The following DMRT1 variants were observed in gnomAD, a reference collection of about 807,000 sequenced individuals.
DMRT1 encodes the protein doublesex- and mab-3-related transcription factor 1.
In DMRT1, 7 loss-of-function variants were observed where a neutral mutation model predicts 32.3. The observed-to-expected ratio is 0.22, with a 90% CI of 0.12 to 0.41. The LOEUF (loss-of-function observed/expected upper bound fraction) is 0.41, where lower values mean the gene tolerates loss of function less well. Ranked by LOEUF, DMRT1 falls within the 10% of genes least tolerant of loss-of-function variation. DMRT1 has a pLI of 1.00. For missense variants in DMRT1, 625 were observed against 500.5 expected (o/e 1.25, Z -2.37); for synonymous variants, 278 against 206.1 (o/e 1.35, Z -2.99).
intron 4 of DMRT1, among the ~76,000 whole-genome samples, chr9:926,919 C>G (rs1818545089): frequency 6.6e-6 from 1 of 152,154 alleles, no homozygotes; most frequent in Non-Finnish European, 1.5e-5. Flanking sequence ...ATCAAGTTGG[C>G]CAGTTTCTGT....
At chr9:933,561 C>G (rs1332190333) in intron 4 of DMRT1, among the ~76,000 whole-genome samples, 1 of 152,178 alleles carries the variant, frequency 6.6e-6, no homozygotes, top group Non-Finnish European at 1.5e-5. Context: ...TTTTCAGCCT[C>G]AGGCTGTCAA....
At chr9:866,616 G>T (rs778215763) in intron 2 of DMRT1, among the ~76,000 whole-genome samples, 1 of 152,184 alleles carries the variant, frequency 6.6e-6, no homozygotes, top group East Asian at 1.9e-4. Flanking sequence ...TCTCAAGGAC[G>T]TTATTGGGCT....
chr9:936,449 A>G, intron 4 of DMRT1, among the ~76,000 whole-genome samples: 1 of 151,996 alleles, frequency 6.6e-6, no homozygotes, highest in Non-Finnish European at 1.5e-5. Flanking sequence ...TTATTAGGCT[A>G]TATTAATAAT....
intron 2 of DMRT1, among the ~76,000 whole-genome samples, chr9:867,623 C>T (rs1816047345): frequency 6.6e-6 from 1 of 152,126 alleles, no homozygotes. Context: ...CACAAGATGG[C>T]ATGTGTATTA....
In DMRT1 at chr9:847,355, G is replaced by C. The variant is rs2273931; in HGVS notation, c.538+212G>C. Among the ~76,000 whole-genome samples the C allele has an allele frequency of 1.4e-3, 220 of 152,310 alleles. 5 individuals carry two copies. The East Asian group carries it at 0.038, about 27-fold the overall frequency. ...AATGCAGGTTCAACTCTTTCCTGTT[G>C]GTTATTAGTCAAGACTGAGTCTGGA... On this transcript the variant is annotated intron_variant, in intron 2 of 4. Coordinates refer to ENST00000382276, the MANE Select transcript of DMRT1 (RefSeq NM_021951.3).
intron 2 of DMRT1, among the ~76,000 whole-genome samples, chr9:866,195 T>C (rs1319478390): frequency 1.6e-5 from 2 of 128,152 alleles, no homozygotes; most frequent in Non-Finnish European, 3.3e-5. Context: ...AAGACAGTGG[T>C]GGGTGTTTTA....
At chr9:911,732 T>C (rs1270298729) in intron 3 of DMRT1, among the ~76,000 whole-genome samples, 3 of 152,124 alleles carry the variant, frequency 2.0e-5, no homozygotes. Flanking sequence ...CCTCAGGTGA[T>C]CCACTCACCA....
intron 2 of DMRT1, among the ~76,000 whole-genome samples, chr9:873,583 T>C (rs946764943): frequency 2.0e-5 from 3 of 152,066 alleles, no homozygotes; most frequent in African/African-American, 4.8e-5. Flanking sequence ...CCTCCCAAAA[T>C]GTTGGGATTA....
intron 2 of DMRT1, among the ~76,000 whole-genome samples, chr9:857,083 G>A (rs1815429316): frequency 6.6e-6 from 1 of 152,206 alleles, no homozygotes; most frequent in South Asian, 2.1e-4. Flanking sequence ...GGGAGGCCGA[G>A]GTGGGTGGAT....
At chr9:913,499 G>A (rs888572018) in intron 3 of DMRT1, among the ~76,000 whole-genome samples, 9 of 151,744 alleles carry the variant, frequency 5.9e-5, no homozygotes, top group Admixed American at 2.0e-4. Context: ...GGAATTTTGT[G>A]TATAAAAATA....
At chr9:959,659 C>T (rs1461369259) in intron 4 of DMRT1, among the ~76,000 whole-genome samples, 1 of 152,144 alleles carries the variant, frequency 6.6e-6, no homozygotes, top group Non-Finnish European at 1.5e-5. Context: ...TCCCGAGTAG[C>T]TGGGATTACA....
chr9:947,188 CG>C (rs1408048230), intron 4 of DMRT1, among the ~76,000 whole-genome samples: 1 of 152,194 alleles, frequency 6.6e-6, no homozygotes, highest in East Asian at 1.9e-4. Flanking sequence ...CAGCCACATG[CG>C]GCCCAGAATG....
intron 4 of DMRT1, among the ~76,000 whole-genome samples, chr9:930,365 T>C (rs1435281676): frequency 2.0e-5 from 3 of 152,054 alleles, no homozygotes; most frequent in East Asian, 3.9e-4. Flanking sequence ...CTCAAGTAGA[T>C]AGGACTACAG....
chr9:957,745 C>T (rs1021564914), intron 4 of DMRT1, among the ~76,000 whole-genome samples: 19 of 152,320 alleles, frequency 1.2e-4, no homozygotes, highest in South Asian at 8.3e-4. Flanking sequence ...GGCAGTGGCT[C>T]GCGCCTGTAA....
intron 4 of DMRT1, among the ~76,000 whole-genome samples, chr9:931,598 G>A (rs1818728171): frequency 6.6e-6 from 1 of 152,194 alleles, no homozygotes; most frequent in South Asian, 2.1e-4. Flanking sequence ...TTGCTTTCCG[G>A]TAAGGCTTCT....
chr9:865,222 CTTGA>C (rs1815928797), intron 2 of DMRT1, among the ~76,000 whole-genome samples: 1 of 152,146 alleles, frequency 6.6e-6, no homozygotes, highest in Non-Finnish European at 1.5e-5. Context: ...TTGTTGTTAT[CTTGA>C]TAACTTTATA....
At chr9:863,149 CAAAAA>C (rs55759836) in intron 2 of DMRT1, among the ~76,000 whole-genome samples, 4 of 98,298 alleles carry the variant, frequency 4.1e-5, no homozygotes, top group African/African-American at 8.7e-5. Flanking sequence ...CAGGTCTCTA[CAAAAA>C]AAAAAAAAAA....
In DMRT1 at chr9:847,069, A is replaced by G. The variant is rs199577667; in HGVS notation, c.464A>G (p.Asn155Ser). The G allele has an allele frequency of 2.6e-4, 422 of 1,613,880 alleles. 2 individuals are homozygous for G. The South Asian group carries it at 4.3e-3, about 17-fold the overall frequency. Residue 155 changes from asparagine to serine, a missense_variant, in exon 2 of 5, where the codon AAC (asparagine) becomes AGC (serine). Transcript: ENST00000382276. The part of the protein sequence containing the change: ...LLVKRENNGS[N>S]PCLMTECSGT... ...GTCAAAAGAGAGAACAATGGCAGTA[A>G]CCCGTGCCTCATGACTGAGTGCAGT... is the stretch of plus-strand genomic sequence containing the variant.
intron 2 of DMRT1, among the ~76,000 whole-genome samples, chr9:850,141 A>G (rs933169432): frequency 5.3e-5 from 8 of 152,152 alleles, no homozygotes; most frequent in African/African-American, 1.7e-4. Flanking sequence ...TCTGCTAACC[A>G]GCTCATCTCT....
Sources: gnomAD v4.1 joint callset for allele counts (sites outside exome capture counted in the v4.1 genomes callset) on GRCh38, gnomAD v4.1.1 for gene constraint, MANE v1.5 for transcripts, NCBI Gene and HGNC (gene_info 2026-07-23, HGNC 2026-07-21) for gene names.